CACNA1E: variants seen among roughly 807,000 people sequenced by gnomAD.
CACNA1E encodes calcium voltage-gated channel subunit alpha1 E.
Under a neutral mutation model 259.2 loss-of-function variants are expected in CACNA1E, and 40 were observed. The observed-to-expected ratio is 0.15, with a 90% CI of 0.12 to 0.20. The LOEUF is 0.20. Ranked by LOEUF, CACNA1E falls within the 10% of genes least tolerant of loss-of-function variation. CACNA1E has a pLI of 1.00. For synonymous variants in CACNA1E, 1,104 were observed against 1,138.5 expected (o/e 0.97, Z 0.61); for missense variants, 1,874 against 3,040.1 (o/e 0.62, Z 9.02).
chr1:181,711,082 G>C lies in CACNA1E; in HGVS notation c.1171+13G>C, dbSNP rs367834352. On this transcript the variant is annotated intron_variant, in intron 8 of 47. Transcript: ENST00000367573. ...ATAGACAAAGCAGGTAGGCCTGGGG[G>C]GCTGCAGGAGGCTGGTGAGTGGGCT... is the stretch of plus-strand genomic sequence containing the variant. 6.4e-7 allele frequency: 1 copy of C among 1,562,046 alleles called. No homozygotes were observed. Among genetic ancestry groups the C allele is most frequent in the Non-Finnish European group, 8.8e-7 (1 of 1,132,704 alleles).
At chr1:181,756,841 TA>T in intron 29 of CACNA1E, 83 bp from the exon 30 acceptor site, 2 of 936,806 alleles carry the variant, frequency 2.1e-6, no homozygotes, top group Non-Finnish European at 3.4e-6. Flanking sequence ...AGAAGTCAGA[TA>T]AAAAATTATA....
chr1:181,662,416 T>C (rs1411711573), intron 7 of CACNA1E, among the ~76,000 whole-genome samples: 1 of 152,186 alleles, frequency 6.6e-6, no homozygotes, highest in Non-Finnish European at 1.5e-5. Flanking sequence ...CTCCATGCCC[T>C]ATGTATAGCC....
chr1:181,696,778 G>T (rs530510623), intron 7 of CACNA1E, among the ~76,000 whole-genome samples: 5 of 152,312 alleles, frequency 3.3e-5, no homozygotes, highest in Non-Finnish European at 7.3e-5. Context: ...TGGGTTCATT[G>T]TAATGTTTGG....
At chr1:181,781,609 C>A in intron 39 of CACNA1E, 86 bp downstream of exon 39, 1 of 753,232 alleles carries the variant, frequency 1.3e-6, no homozygotes, top group Non-Finnish European at 2.3e-6. Flanking sequence ...GGGGAGGAAG[C>A]CAGGCTGGGG....
intron 2 of CACNA1E, among the ~76,000 whole-genome samples, chr1:181,451,376 A>G (rs1661145807): frequency 6.6e-6 from 1 of 151,282 alleles, no homozygotes; most frequent in South Asian, 2.1e-4. Context: ...GTAAAAAGAC[A>G]AGAGCTGAGG....
At chr1:181,580,564 T>C (rs752091203) in intron 5 of CACNA1E, 31 bp from the exon 6 acceptor site, 65 of 1,606,248 alleles carry the variant, frequency 4.0e-5, no homozygotes, top group Non-Finnish European at 5.5e-5. Flanking sequence ...CACCATGTGA[T>C]TTATCTCCTA....
At chr1:181,756,167 A>G (rs534385632) in intron 29 of CACNA1E, 74 bp downstream of exon 29, 1 of 1,433,668 alleles carries the variant, frequency 7.0e-7, no homozygotes, top group Admixed American at 2.0e-5. Context: ...CTGACTCAAG[A>G]TGAACAAGGC....
chr1:181,359,057 G>C (rs979552538), intron 1 of CACNA1E, among the ~76,000 whole-genome samples: 2 of 152,202 alleles, frequency 1.3e-5, no homozygotes, highest in African/African-American at 4.8e-5. Context: ...TGGAGTCCTT[G>C]ATAAATTCTT....
chr1:181,720,149 T>C (rs542490130), intron 13 of CACNA1E, 57 bp from the exon 14 acceptor site: 1 of 1,603,890 alleles, frequency 6.2e-7, no homozygotes, highest in South Asian at 1.1e-5. Context: ...TGAGCTGGGC[T>C]TGGTGGGTGA....
intron 1 of CACNA1E, among the ~76,000 whole-genome samples, chr1:181,496,140 T>C (rs995843352): frequency 6.6e-6 from 1 of 152,230 alleles, no homozygotes; most frequent in African/African-American, 2.4e-5. Context: ...AAAATAAAAT[T>C]TAAAATATCT....
intron 2 of CACNA1E, among the ~76,000 whole-genome samples, chr1:181,425,536 C>A (rs536584439): frequency 1.5e-4 from 18 of 121,620 alleles, no homozygotes; most frequent in South Asian, 3.3e-4. Flanking sequence ...CCCGCTCCCC[C>A]CCCCGACCCC....
chr1:181,594,889 G>A (rs913760041), intron 6 of CACNA1E, among the ~76,000 whole-genome samples: 5 of 152,160 alleles, frequency 3.3e-5, no homozygotes, highest in Non-Finnish European at 5.9e-5. Context: ...TGTGCCTTAC[G>A]AATTTAAGGT....
chr1:181,796,048 C>G (rs1206979377), intron 46 of CACNA1E, among the ~76,000 whole-genome samples: 2 of 152,064 alleles, frequency 1.3e-5, no homozygotes, highest in Admixed American at 1.3e-4. Flanking sequence ...AGTTCCTGAG[C>G]CATATTGTTA....
At chr1:181,449,649 G>A (rs1038145927) in intron 2 of CACNA1E, among the ~76,000 whole-genome samples, 1 of 152,156 alleles carries the variant, frequency 6.6e-6, no homozygotes, top group Non-Finnish European at 1.5e-5. Context: ...TATCCAGGAG[G>A]GTGGGAGGCC....
chr1:181,716,265 G>A, intron 10 of CACNA1E, 136 bp downstream of exon 10: 2 of 439,790 alleles, frequency 4.5e-6, no homozygotes, highest in Non-Finnish European at 8.0e-6. Flanking sequence ...GGAAAAGGGT[G>A]GAAATCGAAT....
intron 3 of CACNA1E, among the ~76,000 whole-genome samples, chr1:181,553,748 T>C (rs750642357): frequency 7.2e-5 from 11 of 152,362 alleles, no homozygotes; most frequent in Admixed American, 2.6e-4. Context: ...TTTCTGCATC[T>C]ATTGAGATAA....
chr1:181,390,550 G>A (rs923548073), intron 1 of CACNA1E, among the ~76,000 whole-genome samples: 3 of 152,134 alleles, frequency 2.0e-5, no homozygotes, highest in Non-Finnish European at 4.4e-5. Context: ...GTAGGAGAGT[G>A]TAAATCCATG....
At chr1:181,457,477 G>A (rs185653885) in intron 2 of CACNA1E, among the ~76,000 whole-genome samples, 3 of 152,240 alleles carry the variant, frequency 2.0e-5, no homozygotes, top group Non-Finnish European at 4.4e-5. Flanking sequence ...CTTACAAGTG[G>A]AGTGACTCCC....
intron 3 of CACNA1E, among the ~76,000 whole-genome samples, chr1:181,569,209 C>A (rs748247080): frequency 2.0e-5 from 3 of 152,320 alleles, no homozygotes; most frequent in South Asian, 4.1e-4. Context: ...TGATCACCAT[C>A]TTCTCTACTG....
Sources: gnomAD v4.1 joint callset for allele counts (sites outside exome capture counted in the v4.1 genomes callset) on GRCh38, gnomAD v4.1.1 for gene constraint, MANE v1.5 for transcripts, NCBI Gene and HGNC (gene_info 2026-07-23, HGNC 2026-07-21) for gene names.